ATP8B4: variants seen among roughly 807,000 people sequenced by gnomAD.
The protein encoded by ATP8B4 is probable phospholipid-transporting ATPase IM.
A neutral mutation model predicts 145.6 loss-of-function variants in ATP8B4; 133 were observed. That is an observed-to-expected ratio of 0.91 (90% CI 0.79 to 1.05). The LOEUF (loss-of-function observed/expected upper bound fraction) is 1.05. ATP8B4 is among the 50% of genes least tolerant of loss of function. ATP8B4 has a pLI of 0.00. For missense variants in ATP8B4, 1,458 were observed against 1,425.2 expected, an observed-to-expected ratio of 1.02 and a Z score of -0.37; for synonymous variants, 507 against 492.9, an observed-to-expected ratio of 1.03 and a Z score of -0.38.
Position 49,934,018 on chromosome 15 carries a change from T to C in ATP8B4, c.1452A>G (p.Ala484=), listed in dbSNP as rs1295028861. The C allele has an allele frequency of 6.3e-7, 1 of 1,581,404 alleles. No homozygotes were observed. The highest frequency in any genetic ancestry group is 1.8e-5 in the Admixed American group (1 of 54,118). Reference sequence around the variant, plus strand: ...ACTCAGACATAACTTTTCACTTACCTGCGCTATTCTCTTCTGACATTACAG... The same window carrying C: ...ACTCAGACATAACTTTTCACTTACCCGCGCTATTCTCTTCTGACATTACAG... The part of the protein sequence containing the change: ...CHTVMSEENS[A]GELIYQVQSP... Residue 484 remains alanine, a splice_region_variant and synonymous_variant, in exon 15 of 28, where the codon GCA becomes GCG. Transcript: ENST00000284509.
In ATP8B4 at chr15:49,861,452, G is replaced by GTCTATCTA. The variant is rs71124312; in HGVS notation, c.3297+785_3297+792dup. On this transcript the variant is annotated intron_variant, in intron 27 of 27. Coordinates refer to ENST00000284509, the MANE Select transcript of ATP8B4 (RefSeq NM_024837.4). ...TGTCTGTCTGTCTGTCTGTCTGTCT[G>GTCTATCTA]TCTATCTATCTATCTATCTATCTAC... 2.8e-4 allele frequency among the ~76,000 whole-genome samples: 40 copies of GTCTATCTA among 143,510 alleles called. 1 individual carries two copies. Among genetic ancestry groups the GTCTATCTA allele is most frequent in the Middle Eastern group, 3.5e-3 (1 of 286 alleles). The allele number at this position is 143,510 out of a possible 152,430, so 94.1% of individuals were successfully genotyped here. A position where few individuals can be genotyped will look rare whatever the true frequency, so the allele number is the denominator to read the frequency against.
rs1486239771 is a variant in ATP8B4 at position 50,009,860 on chromosome 15, T to C, written c.435+985A>G. ...TGGCTCCCAGCTATTTTCCAAAGCATTGTGGTTACCAGAGAAATAAGCACT... is the reference window on the plus strand; with the variant it reads ...TGGCTCCCAGCTATTTTCCAAAGCACTGTGGTTACCAGAGAAATAAGCACT... On this transcript the variant is annotated intron_variant, in intron 7 of 27. Coordinates refer to ENST00000284509, the MANE Select transcript of ATP8B4 (RefSeq NM_024837.4). 2.0e-5 allele frequency among the ~76,000 whole-genome samples: 3 copies of C among 152,300 alleles called. No homozygotes were observed. The East Asian group carries it at 5.8e-4, about 29-fold the overall frequency.
intron 12 of ATP8B4, among the ~76,000 whole-genome samples, chr15:49,975,754 C>G (rs916158900): frequency 6.6e-6 from 1 of 152,056 alleles, no homozygotes; most frequent in African/African-American, 2.4e-5. Context: ...ACAGATTATT[C>G]TTATGGATTG....
At chr15:50,116,551 T>C (rs991873143) in intron 1 of ATP8B4, among the ~76,000 whole-genome samples, 4 of 151,974 alleles carry the variant, frequency 2.6e-5, no homozygotes, top group African/African-American at 4.8e-5. Flanking sequence ...ATCATCAACA[T>C]ATAAGGAAGG....
intron 5 of ATP8B4, among the ~76,000 whole-genome samples, chr15:50,041,522 A>G (rs560617370): frequency 3.3e-5 from 5 of 152,358 alleles, no homozygotes; most frequent in East Asian, 3.9e-4. Context: ...AGACAATTCT[A>G]TAAGAAGAGA....
chr15:49,931,618 G>C (rs368101467), intron 15 of ATP8B4, among the ~76,000 whole-genome samples: 1 of 152,186 alleles, frequency 6.6e-6, no homozygotes, highest in African/African-American at 2.4e-5. Flanking sequence ...TCTGTGACTA[G>C]AGATGTGCCA....
chr15:50,018,531 G>A (rs1376471113), intron 6 of ATP8B4, among the ~76,000 whole-genome samples: 1 of 152,206 alleles, frequency 6.6e-6, no homozygotes, highest in African/African-American at 2.4e-5. Flanking sequence ...GATACCCGGA[G>A]TATATGGATA....
intron 9 of ATP8B4, among the ~76,000 whole-genome samples, chr15:49,994,220 C>T (rs1390832925): frequency 1.3e-5 from 2 of 152,224 alleles, no homozygotes; most frequent in East Asian, 3.9e-4. Flanking sequence ...TGATCCCTCT[C>T]CCAGACACCT....
chr15:49,936,610 G>C (rs1264793207), intron 14 of ATP8B4, among the ~76,000 whole-genome samples: 1 of 152,072 alleles, frequency 6.6e-6, no homozygotes, highest in Non-Finnish European at 1.5e-5. Context: ...TGTAATTTTA[G>C]AGGTATTGAT....
At chr15:50,122,565 C>G (rs1158407616), upstream of ATP8B4, among the ~76,000 whole-genome samples, 1 of 152,076 alleles carries the variant, frequency 6.6e-6, no homozygotes, top group African/African-American at 2.4e-5. Flanking sequence ...TTAAGGCCAA[C>G]AAGGGAAGAT....
rs1381423073 is a variant in ATP8B4, at chr15:49,866,431, C to T, written c.3081G>A (p.Gly1027=). 1 of 1,613,488 alleles carries T rather than the reference C, an allele frequency of 6.2e-7. No individual in the cohort carries two copies. Among genetic ancestry groups the T allele is most frequent in the South Asian group, 1.1e-5 (1 of 91,070 alleles). The change falls in exon 26 of 28, where the codon GGG becomes GGA. Residue 1027 remains glycine (G), a synonymous_variant. Transcript: ENST00000284509. The part of the protein sequence containing the change: ...WTFINHVFIW[G]SIAIYFSILF... ...AAATGGAGAAATAAATGGCAATGCTCCCCCAGATGAAGACGTGATTAATGA... is the reference window on the plus strand; with the variant it reads ...AAATGGAGAAATAAATGGCAATGCTTCCCCAGATGAAGACGTGATTAATGA...
intron 23 of ATP8B4, chr15:49,880,615 C>T (rs1426527877): frequency 6.6e-6 from 1 of 152,130 alleles, no homozygotes; most frequent in Non-Finnish European, 1.5e-5. Context: ...TGAGAAGAAA[C>T]TGAAGACAAT....
At chr15:49,950,373 C>A (rs530934926) in intron 14 of ATP8B4, among the ~76,000 whole-genome samples, 2 of 152,084 alleles carry the variant, frequency 1.3e-5, no homozygotes, top group Non-Finnish European at 1.5e-5. Flanking sequence ...CAACTTCTTC[C>A]TGGTTTAGTC....
intron 8 of ATP8B4, among the ~76,000 whole-genome samples, chr15:49,998,216 T>A (rs990412885): frequency 4.6e-5 from 7 of 152,204 alleles, no homozygotes; most frequent in Non-Finnish European, 7.4e-5. Context: ...CAGGCCTTCT[T>A]GATACTTTTA....
At chr15:50,001,581 T>C (rs2047898047) in intron 8 of ATP8B4, among the ~76,000 whole-genome samples, 1 of 152,218 alleles carries the variant, frequency 6.6e-6, no homozygotes, top group African/African-American at 2.4e-5. Context: ...AAATTCCATC[T>C]AAAGAACACA....
chr15:49,870,648 T>C (rs1014299556), intron 25 of ATP8B4, among the ~76,000 whole-genome samples: 11 of 152,328 alleles, frequency 7.2e-5, no homozygotes, highest in Admixed American at 7.2e-4. Flanking sequence ...ACAGAATTCC[T>C]TAAAGTTATT....
intron 26 of ATP8B4, among the ~76,000 whole-genome samples, chr15:49,865,728 T>C (rs1026492003): frequency 1.8e-4 from 28 of 152,180 alleles, no homozygotes; most frequent in African/African-American, 6.5e-4. Flanking sequence ...AATGAGAGTA[T>C]AGGAGAAACT....
chr15:50,174,104 T>C (rs1323293085), intron 1 of ATP8B4, among the ~76,000 whole-genome samples: 1 of 152,144 alleles, frequency 6.6e-6, no homozygotes, highest in African/African-American at 2.4e-5. Flanking sequence ...CTCTTTATGA[T>C]TAAAACTTTC....
intron 2 of ATP8B4, among the ~76,000 whole-genome samples, chr15:50,077,079 T>C (rs2054227452): frequency 2.0e-5 from 3 of 152,166 alleles, no homozygotes; most frequent in South Asian, 4.1e-4. Flanking sequence ...GATCCTTCCA[T>C]ATGTAAGAGG....
Sources: allele counts gnomAD v4.1 joint callset (sites outside exome capture counted in the v4.1 genomes callset), GRCh38; gene constraint gnomAD v4.1.1; transcripts MANE v1.5; gene names NCBI Gene and HGNC (gene_info 2026-07-23, HGNC 2026-07-21).